Variants in RBFOX1 observed in about 807,000 individuals in gnomAD.
RBFOX1 encodes RNA binding protein fox-1 homolog 1.
A neutral mutation model predicts 57.7 loss-of-function variants in RBFOX1; 8 were observed. That is an observed-to-expected ratio of 0.14 (90% CI 0.08 to 0.25). The LOEUF (loss-of-function observed/expected upper bound fraction) is 0.25. RBFOX1 is among the 10% of genes least tolerant of loss of function. RBFOX1 has a pLI of 1.00. For synonymous variants in RBFOX1, 326 were observed against 222.4 expected, an observed-to-expected ratio of 1.47 and a Z score of -4.15; for missense variants, 611 against 548.5, an observed-to-expected ratio of 1.11 and a Z score of -1.14.
At position 6,762,085 on chromosome 16, in the gene RBFOX1, A is replaced by G. The variant is rs140521396; in HGVS notation, c.-16+107435A>G. Among the ~76,000 whole-genome samples, 623 of 152,196 alleles carry G rather than the reference A, an allele frequency of 4.1e-3. 4 individuals carry two copies. The highest frequency in any genetic ancestry group is 0.014 in the African/African-American group (589 of 41,516). On this transcript the variant is annotated intron_variant, in intron 3 of 15. Coordinates refer to ENST00000550418, the MANE Select transcript of RBFOX1 (RefSeq NM_018723.4). ...GAGCCTGATCTCCACATGTGGTTCT[A>G]TCTTCTGCTAGTTGAGTTACCTTGG... is the stretch of plus-strand genomic sequence containing the variant.
rs138446121 is a variant in RBFOX1 at position 5,453,578 on chromosome 16, C to A, written c.220-13638C>A. 2.4e-3 allele frequency among the ~76,000 whole-genome samples: 364 copies of A among 152,226 alleles called. 3 individuals carry two copies. Among genetic ancestry groups the A allele is most frequent in the African/African-American group, 8.2e-3 (339 of 41,548 alleles). ...TCTGCCTTGGCTCAGAAGCTACATG[C>A]ATCATAGGAGTCAATATATCCTCTT... On this transcript the variant is annotated intron_variant, in intron 1 of 2. Coordinates refer to the RBFOX1 transcript ENST00000585867.
chr16:5,270,529 A>C, intron 1 of RBFOX1: 1 of 622,398 alleles, frequency 1.6e-6, no homozygotes, highest in Non-Finnish European at 3.0e-6. Flanking sequence ...AATGTTCAAC[A>C]ATGATTGAAA....
intron 4 of RBFOX1, among the ~76,000 whole-genome samples, chr16:7,433,000 G>C (rs1275219029): frequency 6.6e-6 from 1 of 152,144 alleles, no homozygotes; most frequent in Non-Finnish European, 1.5e-5. Flanking sequence ...CAGGGAAGGA[G>C]GTTTATATCT....
intron 1 of RBFOX1, among the ~76,000 whole-genome samples, chr16:6,020,410 C>G (rs1167718607): frequency 6.6e-6 from 1 of 152,160 alleles, no homozygotes; most frequent in Non-Finnish European, 1.5e-5. Flanking sequence ...GCAGGGTGTG[C>G]AGGAGGAGGC....
chr16:7,266,492 A>G (rs2095148040), intron 4 of RBFOX1, among the ~76,000 whole-genome samples: 1 of 152,138 alleles, frequency 6.6e-6, no homozygotes, highest in Non-Finnish European at 1.5e-5. Flanking sequence ...TTTATAAATT[A>G]CTCAGTCTCT....
chr16:5,413,061 G>A lies in RBFOX1; in HGVS notation c.220-54155G>A, dbSNP rs1425915273. ...TTTTGAAGTGAGGTTGCCCTAGGGG[G>A]TGTGCAGAAGAAAGGCTGCTGTATT... On this transcript the variant is annotated intron_variant, in intron 1 of 2. Coordinates refer to the RBFOX1 transcript ENST00000585867. 2.0e-5 allele frequency among the ~76,000 whole-genome samples: 3 copies of A among 152,184 alleles called. No individual in the cohort carries two copies. The South Asian group carries it at 6.2e-4, about 32-fold the overall frequency.
downstream of RBFOX1, among the ~76,000 whole-genome samples, chr16:5,604,382 C>T (rs74004408): frequency 6.6e-6 from 1 of 152,026 alleles, no homozygotes; most frequent in Non-Finnish European, 1.5e-5. Flanking sequence ...GCTCAGGGTC[C>T]CTTTGCAATC....
intron 2 of RBFOX1, among the ~76,000 whole-genome samples, chr16:6,639,491 T>C (rs944749389): frequency 5.9e-5 from 9 of 152,178 alleles, no homozygotes; most frequent in African/African-American, 2.2e-4. Context: ...ATTAAGACAG[T>C]TTTTAGAAAC....
At chr16:5,554,845 C>G (rs1268100945) in intron 2 of RBFOX1, among the ~76,000 whole-genome samples, 5 of 152,180 alleles carry the variant, frequency 3.3e-5, no homozygotes, top group Non-Finnish European at 7.3e-5. Context: ...TTCTTCCTGC[C>G]TTCTGAGCAG....
chr16:6,648,859 A>G (rs544525009), intron 2 of RBFOX1, among the ~76,000 whole-genome samples: 3 of 152,296 alleles, frequency 2.0e-5, no homozygotes, highest in African/African-American at 7.2e-5. Context: ...AGTTATATAT[A>G]TTTATCATGT....
At chr16:5,746,586 C>G (rs1054224201) in intron 3 of RBFOX1, among the ~76,000 whole-genome samples, 4 of 152,210 alleles carry the variant, frequency 2.6e-5, no homozygotes, top group African/African-American at 9.6e-5. Context: ...GAATGTTCTT[C>G]TATTTGTTTG....
At chr16:5,837,217 G>A (rs967636463) in intron 3 of RBFOX1, among the ~76,000 whole-genome samples, 2 of 149,784 alleles carry the variant, frequency 1.3e-5, no homozygotes, top group African/African-American at 2.5e-5. Context: ...CTTTGCACAC[G>A]CTCTCTATAT....
At chr16:6,327,064 A>G (rs1213886873) in intron 2 of RBFOX1, among the ~76,000 whole-genome samples, 1 of 152,050 alleles carries the variant, frequency 6.6e-6, no homozygotes, top group Non-Finnish European at 1.5e-5. Flanking sequence ...ATTCACCTGC[A>G]CCTGAATGGC....
chr16:7,483,379 T>G (rs58226638), intron 4 of RBFOX1, among the ~76,000 whole-genome samples: 2,478 of 152,328 alleles, frequency 0.016, 63 homozygotes, highest in African/African-American at 0.056. Flanking sequence ...GTTATTTATC[T>G]CTTCTAGATT....
chr16:6,193,752 G>T (rs950286624), intron 1 of RBFOX1, among the ~76,000 whole-genome samples: 3 of 151,812 alleles, frequency 2.0e-5, no homozygotes, highest in Non-Finnish European at 4.4e-5. Flanking sequence ...TGGGTATTTT[G>T]GGTCTTTTCC....
intron 1 of RBFOX1, among the ~76,000 whole-genome samples, chr16:6,229,138 A>G (rs573952666): frequency 6.6e-6 from 1 of 152,298 alleles, no homozygotes; most frequent in Non-Finnish European, 1.5e-5. Flanking sequence ...GTTAAGATAA[A>G]TGACATCTCC....
At chr16:6,001,936 C>T (rs1305992817) in intron 4 of RBFOX1, among the ~76,000 whole-genome samples, 1 of 151,644 alleles carries the variant, frequency 6.6e-6, no homozygotes, top group Non-Finnish European at 1.5e-5. Context: ...GAAATTTTCC[C>T]TTCAAACATG....
intron 1 of RBFOX1, among the ~76,000 whole-genome samples, chr16:5,440,675 C>T (rs1363515297): frequency 1.3e-5 from 2 of 152,138 alleles, no homozygotes; most frequent in African/African-American, 4.8e-5. Context: ...CCAGGAGCCA[C>T]ATGACAAATG....
At chr16:7,368,779 CAAAAA>C (rs5815399) in intron 4 of RBFOX1, among the ~76,000 whole-genome samples, 2 of 127,288 alleles carry the variant, frequency 1.6e-5, no homozygotes. Flanking sequence ...GACTCTGTCT[CAAAAA>C]AAAAAAAAAA....
Sources: allele counts gnomAD v4.1 joint callset (sites outside exome capture counted in the v4.1 genomes callset), GRCh38; gene constraint gnomAD v4.1.1; transcripts MANE v1.5; gene names NCBI Gene and HGNC (gene_info 2026-07-23, HGNC 2026-07-21).